BORCS7: variants seen among roughly 807,000 people sequenced by gnomAD.
BORCS7 encodes the protein BLOC-1-related complex subunit 7.
Under a neutral mutation model 17.5 loss-of-function variants are expected in BORCS7, and 20 were observed. The observed-to-expected ratio is 1.14, with a 90% CI of 0.80 to 1.66. The LOEUF (loss-of-function observed/expected upper bound fraction) is 1.66. Among genes scored for constraint, BORCS7 ranks in the 40% most tolerant of loss-of-function variants. The pLI is 0.00. For missense variants in BORCS7, 122 were observed against 129.7 expected, an observed-to-expected ratio of 0.94 and a Z score of 0.29; for synonymous variants, 57 against 49.8, an observed-to-expected ratio of 1.14 and a Z score of -0.61.
chr10:102,860,644 G>A, intron 3 of BORCS7, 103 bp downstream of exon 3: 1 of 1,278,936 alleles, frequency 7.8e-7, no homozygotes, highest in Non-Finnish European at 1.1e-6. Flanking sequence ...GCCAGAGTGG[G>A]AGTAAAGGTG....
At chr10:102,860,277 A>C (rs1352266615) in intron 1 of BORCS7, 55 bp from the exon 2 acceptor site, 4 of 1,486,634 alleles carry the variant, frequency 2.7e-6, no homozygotes, top group African/African-American at 1.4e-5. Context: ...TGCAGAGAGA[A>C]GATTACAGGA....
Position 102,854,259 on chromosome 10 carries a change from G to A in BORCS7, c.-28G>A, listed in dbSNP as rs1204860137. 4 of 1,599,856 alleles carry A rather than the reference G, an allele frequency of 2.5e-6. No homozygotes were observed. Among genetic ancestry groups the A allele is most frequent in the Non-Finnish European group, 3.4e-6 (4 of 1,173,074 alleles). On this transcript the variant is annotated 5_prime_UTR_variant, in exon 1 of 5. Transcript: ENST00000339834. ...CTTTTGGCCCCGGCGACTCACCATC[G>A]TCAGTGCGCAACCGTTCGCTAACTG...
chr10:102,855,052 A>C (rs1037538042), intron 1 of BORCS7, among the ~76,000 whole-genome samples: 1 of 149,508 alleles, frequency 6.7e-6, no homozygotes, highest in Non-Finnish European at 1.5e-5. Context: ...TATTCATCAT[A>C]ATAAACGTAC....
chr10:102,854,463 C>T, intron 1 of BORCS7, 36 bp downstream of exon 1: 1 of 1,509,470 alleles, frequency 6.6e-7, no homozygotes, highest in Non-Finnish European at 8.9e-7. Flanking sequence ...CCTGATAGTC[C>T]GGGGAGTCGC....
chr10:102,855,821 C>G (rs1489013744), intron 1 of BORCS7, among the ~76,000 whole-genome samples: 1 of 152,060 alleles, frequency 6.6e-6, no homozygotes, highest in Non-Finnish European at 1.5e-5. Context: ...AGTGCAGTGG[C>G]CCGATCTCGG....
chr10:102,861,733 A>G (rs1216974912), intron 3 of BORCS7, among the ~76,000 whole-genome samples: 4 of 152,090 alleles, frequency 2.6e-5, no homozygotes, highest in Non-Finnish European at 4.4e-5. Flanking sequence ...AAAAACAAAA[A>G]AACAAAAACA....
chr10:102,860,647 T>C lies in BORCS7; in HGVS notation c.248+106T>C, dbSNP rs527326611. The C allele has an allele frequency of 1.4e-5, 18 of 1,252,246 alleles. No individual in the cohort carries two copies. The East Asian group carries it at 4.0e-4, about 28-fold the overall frequency. 77.6% of individuals were successfully genotyped at this position (1,252,246 alleles called of 1,614,324 possible). On this transcript the variant is annotated intron_variant, in intron 3 of 4. Transcript: ENST00000339834. ...TTTCCTGTGGAGGCCAGAGTGGGAGTAAAGGTGGGGGTGGCCAAGGATGAC... is the reference window on the plus strand; with the variant it reads ...TTTCCTGTGGAGGCCAGAGTGGGAGCAAAGGTGGGGGTGGCCAAGGATGAC...
intron 3 of BORCS7, among the ~76,000 whole-genome samples, chr10:102,861,798 T>C (rs924900415): frequency 1.3e-5 from 2 of 152,208 alleles, no homozygotes; most frequent in Admixed American, 6.5e-5. Context: ...CTTCGATATT[T>C]AAATAGCTAA....
At position 102,860,485 on chromosome 10, in the gene BORCS7, C is replaced by T. The variant is rs754338756; in HGVS notation, c.205-13C>T. ...GTGGAAATGTTCTATTTCTCTCTCT[C>T]TTTTTTATGCAGAGTTTAAGGAAGA... On this transcript the variant is annotated splice_polypyrimidine_tract_variant and intron_variant, in intron 2 of 4. Coordinates refer to ENST00000339834, the MANE Select transcript of BORCS7 (RefSeq NM_001136200.2). 1.2e-6 allele frequency: 2 copies of T among 1,612,246 alleles called. No homozygotes were observed. Among genetic ancestry groups the T allele is most frequent in the Admixed American group, 3.3e-5 (2 of 59,988 alleles).
At position 102,863,989 on chromosome 10, in the gene BORCS7, T is replaced by C. The variant is rs1564787990; in HGVS notation, c.*1065T>C. On this transcript the variant is annotated 3_prime_UTR_variant, in exon 5 of 5. Coordinates refer to ENST00000339834, the MANE Select transcript of BORCS7 (RefSeq NM_001136200.2). ...TATGAGTGATTGTGGCAGAGGTTTG[T>C]GCCATGGTGAAAACTTTGATGTTTG... 1 of 152,252 alleles carries C rather than the reference T, an allele frequency of 6.6e-6. No individual in the cohort carries two copies. The highest frequency in any genetic ancestry group is 1.5e-5 in the Non-Finnish European group (1 of 68,042). 9.4% of individuals were successfully genotyped at this position (152,252 alleles called of 1,614,324 possible).
chr10:102,856,743 T>C (rs4919690), intron 1 of BORCS7, among the ~76,000 whole-genome samples: 33,073 of 152,172 alleles, frequency 0.22, 3,767 homozygotes, highest in Middle Eastern at 0.28. Context: ...TGGTATGTTA[T>C]GTGTCTGGTC....
At chr10:102,859,233 C>T (rs1844477868) in intron 1 of BORCS7, among the ~76,000 whole-genome samples, 2 of 151,488 alleles carry the variant, frequency 1.3e-5, no homozygotes, top group Admixed American at 6.6e-5. Context: ...ACCTCTGCCT[C>T]CCAAGTTCAA....
In BORCS7 at chr10:102,859,542, A is replaced by G. The variant is rs999979711; in HGVS notation, c.142-790A>G. On this transcript the variant is annotated intron_variant, in intron 1 of 4. Transcript: ENST00000339834. ...TCCTCATGGCTTCCCCACACCCCCC[A>G]CTGTTTCTCTTATTCCATTTTTTTT... Among the ~76,000 whole-genome samples the G allele has an allele frequency of 2.0e-4, 27 of 135,118 alleles. No homozygotes were observed. The East Asian group carries it at 3.1e-3, about 16-fold the overall frequency. 88.6% of individuals were successfully genotyped at this position (135,118 alleles called of 152,430 possible).
At chr10:102,862,116 T>C (rs773518393) in intron 3 of BORCS7, 44 bp from the exon 4 acceptor site, 9 of 1,547,962 alleles carry the variant, frequency 5.8e-6, no homozygotes, top group East Asian at 4.5e-5. Flanking sequence ...ATGAAACTTA[T>C]TAGTTCACTT....
intron 1 of BORCS7, among the ~76,000 whole-genome samples, chr10:102,859,598 C>T (rs1344377884): frequency 7.0e-6 from 1 of 143,490 alleles, no homozygotes; most frequent in Non-Finnish European, 1.5e-5. Context: ...CAGGGTCTTG[C>T]TTTGTCGCCC....
chr10:102,859,495 C>T, intron 1 of BORCS7, among the ~76,000 whole-genome samples: 1 of 151,048 alleles, frequency 6.6e-6, no homozygotes, highest in Non-Finnish European at 1.5e-5. Context: ...GGGGTGGTTC[C>T]CCATTTTAAG....
chr10:102,859,409 G>T (rs535195774), intron 1 of BORCS7, among the ~76,000 whole-genome samples: 2 of 151,706 alleles, frequency 1.3e-5, no homozygotes, highest in East Asian at 3.9e-4. Flanking sequence ...AAAGTGCTGG[G>T]ATTACAGGTG....
chr10:102,862,794 A>G lies in BORCS7; in HGVS notation c.270-79A>G. 4.3e-6 allele frequency: 6 copies of G among 1,399,230 alleles called. No individual in the cohort carries two copies. The South Asian group carries it at 4.7e-5, about 11-fold the overall frequency. 86.7% of individuals were successfully genotyped at this position (1,399,230 alleles called of 1,614,324 possible). A position where few individuals can be genotyped will look rare whatever the true frequency, so the allele number is the denominator to read the frequency against. On this transcript the variant is annotated intron_variant, in intron 4 of 4. Coordinates refer to ENST00000339834, the MANE Select transcript of BORCS7 (RefSeq NM_001136200.2). ...GAGACCCTGTCTGTAATGGAAAAAA[A>G]AAATTTGTAAATAGTTGTACAAAGA...
At chr10:102,860,670 G>A in intron 3 of BORCS7, 129 bp downstream of exon 3, 1 of 945,134 alleles carries the variant, frequency 1.1e-6, no homozygotes, top group East Asian at 2.5e-5. Context: ...GGCCAAGGAT[G>A]ACTTTCTCGA....
Sources: allele counts gnomAD v4.1 joint callset (sites outside exome capture counted in the v4.1 genomes callset), GRCh38; gene constraint gnomAD v4.1.1; transcripts MANE v1.5; gene names NCBI Gene and HGNC (gene_info 2026-07-23, HGNC 2026-07-21).